SLC35E3: variants seen among roughly 807,000 people sequenced by gnomAD.
The protein encoded by SLC35E3 is solute carrier family 35 member E3.
A neutral mutation model predicts 30.8 loss-of-function variants in SLC35E3; 28 were observed. The ratio of observed to expected loss-of-function variants is 0.91; its 90% CI spans 0.67 to 1.25. The LOEUF (loss-of-function observed/expected upper bound fraction) is 1.25, where lower values mean the gene tolerates loss of function less well. Ranked by LOEUF, SLC35E3 falls within the 50% of genes most tolerant of loss-of-function variation. The pLI is 0.00. For synonymous variants in SLC35E3, 146 were observed against 149.2 expected (o/e 0.98, Z 0.16); for missense variants, 365 against 375.4 (o/e 0.97, Z 0.23).
Position 68,764,851 on chromosome 12 carries a change from A to G in SLC35E3, c.903A>G (p.Glu301=), listed in dbSNP as rs201656166. The change falls in exon 5 of 5, where the codon GAA becomes GAG. Residue 301 remains glutamate (E), a synonymous_variant. Coordinates refer to ENST00000398004, the MANE Select transcript of SLC35E3 (RefSeq NM_018656.5). ...ILAYTHFKLS[E]QEGSRSKLAQ... ...CCTATACCCACTTTAAGCTCAGTGAACAGGAAGGAAGTAGGAGTAAACTGG... is the reference window on the plus strand; with the variant it reads ...CCTATACCCACTTTAAGCTCAGTGAGCAGGAAGGAAGTAGGAGTAAACTGG... The G allele has an allele frequency of 5.0e-6, 8 of 1,614,180 alleles. No individual in the cohort carries two copies. In the African/African-American group the frequency reaches 9.3e-5, roughly 19 times the overall value.
At chr12:68,757,732 G>A (rs185915441) in intron 3 of SLC35E3, among the ~76,000 whole-genome samples, 59 of 152,294 alleles carry the variant, frequency 3.9e-4, no homozygotes, top group Non-Finnish European at 6.6e-4. Context: ...TACATACTGC[G>A]TTCCTCAGAA....
rs1362899895 is a variant in SLC35E3 at position 68,766,694 on chromosome 12, C to T, written c.*1804C>T. Reference sequence around the variant, plus strand: ...CAGCCTCCTGGGCTCAAGCAATCCTCCTGCCTCAACCTCCCCAGTAGCTGG... The same window carrying T: ...CAGCCTCCTGGGCTCAAGCAATCCTTCTGCCTCAACCTCCCCAGTAGCTGG... On this transcript the variant is annotated 3_prime_UTR_variant, in exon 5 of 5. Transcript: ENST00000398004. The T allele has an allele frequency of 2.3e-6, 1 of 431,268 alleles. No individual in the cohort carries two copies. Among genetic ancestry groups the T allele is most frequent in the Non-Finnish European group, 4.6e-6 (1 of 215,626 alleles). 26.7% of individuals were successfully genotyped at this position (431,268 alleles called of 1,614,324 possible). A position where few individuals can be genotyped will look rare whatever the true frequency, so the allele number is the denominator to read the frequency against.
At position 68,758,550 on chromosome 12, in the gene SLC35E3, T is replaced by C. The variant is rs192072025; in HGVS notation, c.673-607T>C. Among the ~76,000 whole-genome samples, 112 of 152,188 alleles carry C rather than the reference T, an allele frequency of 7.4e-4. No homozygotes were observed. The East Asian group carries it at 0.011, about 15-fold the overall frequency. ...TGATGTACAATAATAATAATGCATA[T>C]GTATACTTTTTCTTTAGATTAATAA... is the stretch of plus-strand genomic sequence containing the variant. On this transcript the variant is annotated intron_variant, in intron 3 of 4. Transcript: ENST00000398004.
At chr12:68,751,383 C>T (rs760449630) in intron 2 of SLC35E3, among the ~76,000 whole-genome samples, 2 of 152,022 alleles carry the variant, frequency 1.3e-5, no homozygotes, top group African/African-American at 2.4e-5. Context: ...CTGCAACCTC[C>T]GCCTCCTTGG....
rs1241732711 is a variant in SLC35E3 at position 68,777,402 on chromosome 12, C to G, written c.*12512C>G. On this transcript the variant is annotated 3_prime_UTR_variant, in exon 5 of 5. Coordinates refer to ENST00000398004, the MANE Select transcript of SLC35E3 (RefSeq NM_018656.5). ...ACAGGAATGTCACACCTGTGACTCT[C>G]TCATACCTCCAAAATCTCACTGCTG... 1.3e-5 allele frequency: 2 copies of G among 152,208 alleles called. No homozygotes were observed. Among genetic ancestry groups the G allele is most frequent in the Non-Finnish European group, 2.9e-5 (2 of 68,040 alleles). 9.4% of individuals were successfully genotyped at this position (152,208 alleles called of 1,614,324 possible).
intron 3 of SLC35E3, among the ~76,000 whole-genome samples, chr12:68,753,860 C>CT (rs1026050196): frequency 2.7e-5 from 4 of 149,926 alleles, no homozygotes; most frequent in African/African-American, 7.3e-5. Context: ...TATTTCTTTT[C>CT]TTTTTTTTGA....
chr12:68,748,618 A>G (rs1878684588), intron 2 of SLC35E3, among the ~76,000 whole-genome samples: 1 of 152,160 alleles, frequency 6.6e-6, no homozygotes, highest in Admixed American at 6.5e-5. Context: ...TATAGCAGAT[A>G]TTCATTAAAA....
chr12:68,748,975 C>T (rs78600023), intron 2 of SLC35E3, among the ~76,000 whole-genome samples: 1 of 152,206 alleles, frequency 6.6e-6, no homozygotes, highest in African/African-American at 2.4e-5. Context: ...AATACATTTT[C>T]TAGTGGCAGA....
chr12:68,764,788 G>C lies in SLC35E3; in HGVS notation c.840G>C (p.Gln280His). The C allele has an allele frequency of 6.2e-7, 1 of 1,614,010 alleles. No homozygotes were observed. Among genetic ancestry groups the C allele is most frequent in the Non-Finnish European group, 8.5e-7 (1 of 1,179,992 alleles). Residue 280 changes from glutamine to histidine, a missense_variant, in exon 5 of 5, where the codon CAG becomes CAC. Transcript: ENST00000398004. ...VLFKDPLSIN[Q>H]ALGILCTLFG... ...TTAAGGATCCACTGTCCATTAATCA[G>C]GCCCTTGGCATTTTATGTACATTAT...
chr12:68,771,276 A>G lies in SLC35E3; in HGVS notation c.*6386A>G, dbSNP rs74747976. The stretch of plus-strand genomic sequence containing the variant: ...GTGACAGAGAGAGACTCTATCTCAG[A>G]AAAAAAAAAAAAAGATGTTAATCAA... On this transcript the variant is annotated 3_prime_UTR_variant, in exon 5 of 5. Transcript: ENST00000398004. 2.9e-5 allele frequency: 4 copies of G among 136,386 alleles called. No individual in the cohort carries two copies. The highest frequency in any genetic ancestry group is 4.1e-4 in the East Asian group (2 of 4,928). 8.4% of individuals were successfully genotyped at this position (136,386 alleles called of 1,614,324 possible). A position where few individuals can be genotyped will look rare whatever the true frequency, so the allele number is the denominator to read the frequency against.
chr12:68,752,179 G>C lies in SLC35E3; in HGVS notation c.661G>C (p.Val221Leu), dbSNP rs760036138. ...AGGAGGAATATTTGGTCCCTGGTCA[G>C]TTTCTGCTTTGGTAAGTTCTAATTG... ...GEGGIFGPWS[V>L]SALLMVLLSG... Residue 221 changes from valine (V) to leucine (L), a missense_variant, in exon 3 of 5, where the codon GTT (valine) becomes CTT (leucine). Val to Leu is a conservative substitution (Grantham distance 32). Transcript: ENST00000398004. 4 of 1,608,288 alleles carry C rather than the reference G, an allele frequency of 2.5e-6. No homozygotes were observed. In the Admixed American group the frequency reaches 5.2e-5, roughly 21 times the overall value.
At chr12:68,751,514 G>A (rs1196371472) in intron 2 of SLC35E3, among the ~76,000 whole-genome samples, 1 of 151,974 alleles carries the variant, frequency 6.6e-6, no homozygotes, top group African/African-American at 2.4e-5. Flanking sequence ...GGCTGGTCTC[G>A]GACTCCTGAC....
At chr12:68,750,990 CT>C (rs1049626008) in intron 2 of SLC35E3, among the ~76,000 whole-genome samples, 2 of 152,022 alleles carry the variant, frequency 1.3e-5, no homozygotes, top group African/African-American at 4.8e-5. Context: ...TCTTCAAAGC[CT>C]TTTTTTCAGT....
Position 68,746,193 on chromosome 12 carries a change from G to GGGC in SLC35E3, c.-176_-174dup, listed in dbSNP as rs1878538634. The GGGC allele has an allele frequency of 9.7e-6, 5 of 513,272 alleles. No individual in the cohort carries two copies. The highest frequency in any genetic ancestry group is 1.7e-5 in the Non-Finnish European group (5 of 295,370). The allele number at this position is 513,272 out of a possible 1,614,324, so 31.8% of individuals were successfully genotyped here. A position where few individuals can be genotyped will look rare whatever the true frequency, so the allele number is the denominator to read the frequency against. ...GCTGCGGCGTCCTAGCTGGCTTACA[G>GGGC]GGCGGCGGCGGGGTGTGTGTCCTCT... is the stretch of plus-strand genomic sequence containing the variant. On this transcript the variant is annotated 5_prime_UTR_variant, in exon 1 of 5. Coordinates refer to ENST00000398004, the MANE Select transcript of SLC35E3 (RefSeq NM_018656.5).
In SLC35E3 at chr12:68,769,750, C is replaced by CT. The variant is rs1879553240; in HGVS notation, c.*4861dup. The CT allele has an allele frequency of 6.6e-6, 1 of 152,130 alleles. No individual in the cohort carries two copies. The highest frequency in any genetic ancestry group is 2.1e-4 in the South Asian group (1 of 4,836). The allele number at this position is 152,130 out of a possible 1,614,324, so 9.4% of individuals were successfully genotyped here. ...CCAAACTTAAACTGGATTATACCTG[C>CT]TAATATCAGGAATATAATGATAATT... On this transcript the variant is annotated 3_prime_UTR_variant, in exon 5 of 5. Transcript: ENST00000398004.
chr12:68,769,896 C>T lies in SLC35E3; in HGVS notation c.*5006C>T, dbSNP rs1354590407. 1 of 152,128 alleles carries T rather than the reference C, an allele frequency of 6.6e-6. No individual in the cohort carries two copies. The highest frequency in any genetic ancestry group is 1.5e-5 in the Non-Finnish European group (1 of 68,032). The allele number at this position is 152,128 out of a possible 1,614,324, so 9.4% of individuals were successfully genotyped here. On this transcript the variant is annotated 3_prime_UTR_variant, in exon 5 of 5. Transcript: ENST00000398004. The stretch of plus-strand genomic sequence containing the variant: ...CTATATTTCCTGTGATCTTAAGGAA[C>T]ATTTGTCTAGTATTAGAGATAGGAC...
At chr12:68,760,958 G>C (rs906061281) in intron 4 of SLC35E3, among the ~76,000 whole-genome samples, 2 of 152,238 alleles carry the variant, frequency 1.3e-5, no homozygotes, top group African/African-American at 4.8e-5. Context: ...TAGTCAGGAA[G>C]GCATCAGTGG....
In SLC35E3 at chr12:68,772,550, G is replaced by A. The variant is rs1879630170; in HGVS notation, c.*7660G>A. 1 of 152,132 alleles carries A rather than the reference G, an allele frequency of 6.6e-6. No homozygotes were observed. Among genetic ancestry groups the A allele is most frequent in the South Asian group, 2.1e-4 (1 of 4,830 alleles). 9.4% of individuals were successfully genotyped at this position (152,132 alleles called of 1,614,324 possible). On this transcript the variant is annotated 3_prime_UTR_variant, in exon 5 of 5. Transcript: ENST00000398004. ...TGCCAATTCAATGAATTATTTATGA[G>A]TATTAGGGGAATGTTTTTGTTATGC...
intron 2 of SLC35E3, among the ~76,000 whole-genome samples, chr12:68,750,872 A>G (rs965685212): frequency 5.3e-5 from 8 of 152,158 alleles, no homozygotes; most frequent in African/African-American, 1.9e-4. Flanking sequence ...ATAGACTTAG[A>G]GTTTATGTAA....
Sources: allele counts gnomAD v4.1 joint callset (sites outside exome capture counted in the v4.1 genomes callset), GRCh38; gene constraint gnomAD v4.1.1; transcripts MANE v1.5; gene names NCBI Gene and HGNC (gene_info 2026-07-23, HGNC 2026-07-21).